The following ELMO1 variants were observed in gnomAD, a reference collection of about 807,000 sequenced individuals.
ELMO1 encodes engulfment and cell motility 1.
A neutral mutation model predicts 98.9 loss-of-function variants in ELMO1; 26 were observed. The observed-to-expected ratio is 0.26, with a 90% CI of 0.19 to 0.36. The LOEUF (loss-of-function observed/expected upper bound fraction) is 0.36, where lower values mean the gene tolerates loss of function less well. Among genes scored for constraint, ELMO1 ranks in the 10% least tolerant of loss-of-function variants. ELMO1 has a pLI of 1.00. For missense variants in ELMO1, 627 were observed against 935.2 expected, an observed-to-expected ratio of 0.67 and a Z score of 4.30; for synonymous variants, 346 against 346.0, an observed-to-expected ratio of 1.00 and a Z score of 0.00.
At chr7:37,244,632 TTA>T (rs763473293) in intron 6 of ELMO1, among the ~76,000 whole-genome samples, 5 of 152,172 alleles carry the variant, frequency 3.3e-5, no homozygotes, top group Non-Finnish European at 7.3e-5. Context: ...TTGCATTTGC[TTA>T]TGAGTAAAGG....
At chr7:37,335,742 C>T (rs1379411823) in intron 2 of ELMO1, among the ~76,000 whole-genome samples, 1 of 152,214 alleles carries the variant, frequency 6.6e-6, no homozygotes, top group African/African-American at 2.4e-5. Context: ...CTATGTATCT[C>T]TTCCCATTGC....
At chr7:37,420,645 T>A (rs1303789828) in intron 1 of ELMO1, among the ~76,000 whole-genome samples, 1 of 152,222 alleles carries the variant, frequency 6.6e-6, no homozygotes, top group African/African-American at 2.4e-5. Flanking sequence ...TGATGCCCCG[T>A]GTAACTCCAC....
chr7:36,930,846 C>T (rs932354561), intron 16 of ELMO1, among the ~76,000 whole-genome samples: 1 of 152,164 alleles, frequency 6.6e-6, no homozygotes, highest in Non-Finnish European at 1.5e-5. Flanking sequence ...AGACATGCTT[C>T]CTCTCTTTCT....
chr7:36,904,860 G>A (rs980892986), intron 16 of ELMO1, among the ~76,000 whole-genome samples: 3 of 152,178 alleles, frequency 2.0e-5, no homozygotes, highest in Admixed American at 6.5e-5. Flanking sequence ...ATGTGACAAA[G>A]CTGCTTTTCT....
chr7:37,309,248 AG>A (rs1333814313), intron 4 of ELMO1, among the ~76,000 whole-genome samples: 1 of 152,204 alleles, frequency 6.6e-6, no homozygotes, highest in Non-Finnish European at 1.5e-5. Flanking sequence ...ATCAAGAGAA[AG>A]GGGTTTCCCC....
chr7:37,389,423 A>C (rs1349623841), intron 1 of ELMO1, among the ~76,000 whole-genome samples: 1 of 152,198 alleles, frequency 6.6e-6, no homozygotes, highest in Non-Finnish European at 1.5e-5. Context: ...TGTTTTTAAA[A>C]GTCTATTTTA....
intron 13 of ELMO1, chr7:37,204,215 A>G: frequency 2.2e-6 from 1 of 456,036 alleles, no homozygotes; most frequent in Non-Finnish European, 4.4e-6. Flanking sequence ...GCTGACTTCA[A>G]GAATGAAGCC....
intron 13 of ELMO1, among the ~76,000 whole-genome samples, chr7:37,203,541 T>C (rs1258441166): frequency 5.3e-5 from 8 of 152,104 alleles, no homozygotes; most frequent in African/African-American, 1.7e-4. Context: ...TGGGCAAAAA[T>C]TACATCTTTC....
Position 37,204,441 on chromosome 7 carries a change from G to A in ELMO1, c.1086+6945C>T, listed in dbSNP as rs976362682. On this transcript the variant is annotated intron_variant, in intron 13 of 21. Transcript: ENST00000310758. ...TTCCTCCTGGTGGGTTCCTGGTCTC[G>A]GTGACTTCAGGAATGAAGCTGCAGA... 2.9e-5 allele frequency: 10 copies of A among 345,570 alleles called. 1 individual carries two copies. Among genetic ancestry groups the A allele is most frequent in the African/African-American group, 1.1e-4 (5 of 46,296 alleles). The allele number at this position is 345,570 out of a possible 1,614,324, so 21.4% of individuals were successfully genotyped here.
chr7:37,386,080 C>T (rs1231180302), intron 1 of ELMO1, among the ~76,000 whole-genome samples: 1 of 152,174 alleles, frequency 6.6e-6, no homozygotes, highest in Non-Finnish European at 1.5e-5. Context: ...TAAGGAAGTG[C>T]CTGCAACCCA....
chr7:37,341,992 T>C (rs1800745217), intron 2 of ELMO1, among the ~76,000 whole-genome samples: 1 of 152,226 alleles, frequency 6.6e-6, no homozygotes, highest in African/African-American at 2.4e-5. Context: ...AGTTAAAGGA[T>C]GCCTTTATGG....
chr7:37,079,158 A>G (rs143608290), intron 15 of ELMO1, among the ~76,000 whole-genome samples: 2,184 of 152,278 alleles, frequency 0.014, 19 homozygotes, highest in Middle Eastern at 0.041. Flanking sequence ...CCTCTCTACC[A>G]AATCTTCCCC....
intron 1 of ELMO1, among the ~76,000 whole-genome samples, chr7:37,410,615 T>A (rs1024977781): frequency 6.6e-6 from 1 of 152,152 alleles, no homozygotes; most frequent in Non-Finnish European, 1.5e-5. Context: ...ATAAATGACA[T>A]ACATGGATGA....
At chr7:37,384,344 C>A (rs1583662443) in intron 1 of ELMO1, among the ~76,000 whole-genome samples, 1 of 152,140 alleles carries the variant, frequency 6.6e-6, no homozygotes, top group African/African-American at 2.4e-5. Context: ...ATAAAAAGTG[C>A]AAACCATTAG....
chr7:37,161,690 C>T (rs1290540907), intron 13 of ELMO1, among the ~76,000 whole-genome samples: 2 of 151,510 alleles, frequency 1.3e-5, no homozygotes, highest in African/African-American at 4.8e-5. Context: ...CAGCACTGTA[C>T]TTTGAGTATT....
At chr7:37,307,465 C>G (rs746756837) in intron 4 of ELMO1, among the ~76,000 whole-genome samples, 2 of 152,120 alleles carry the variant, frequency 1.3e-5, no homozygotes, top group African/African-American at 4.8e-5. Flanking sequence ...CCCAGCCCTG[C>G]GGAACTGTGA....
intron 13 of ELMO1, among the ~76,000 whole-genome samples, chr7:37,178,570 C>A (rs959804445): frequency 6.6e-6 from 1 of 151,956 alleles, no homozygotes; most frequent in Non-Finnish European, 1.5e-5. Flanking sequence ...CCACTGCACT[C>A]CAGCCTGGGC....
chr7:36,983,651 T>C (rs1419394655), intron 16 of ELMO1, among the ~76,000 whole-genome samples: 1 of 152,192 alleles, frequency 6.6e-6, no homozygotes, highest in Non-Finnish European at 1.5e-5. Flanking sequence ...TTCAATGAAT[T>C]ATTATATCTA....
At chr7:37,158,761 C>G (rs1788980637) in intron 13 of ELMO1, among the ~76,000 whole-genome samples, 1 of 152,166 alleles carries the variant, frequency 6.6e-6, no homozygotes, top group Non-Finnish European at 1.5e-5. Context: ...CCTCAAGAAT[C>G]TAGAACTAGA....
Sources: gnomAD v4.1 joint callset for allele counts (sites outside exome capture counted in the v4.1 genomes callset) on GRCh38, gnomAD v4.1.1 for gene constraint, MANE v1.5 for transcripts, NCBI Gene and HGNC (gene_info 2026-07-23, HGNC 2026-07-21) for gene names.